OPCML: variants seen among roughly 807,000 people sequenced by gnomAD.
OPCML encodes the protein opioid binding protein/cell adhesion molecule like.
A neutral mutation model predicts 37.8 loss-of-function variants in OPCML; 13 were observed. That is an observed-to-expected ratio of 0.34 (90% CI 0.22 to 0.55). The LOEUF is 0.55. Among genes scored for constraint, OPCML ranks in the 20% least tolerant of loss-of-function variants. OPCML has a pLI of 0.91. For synonymous variants in OPCML, 176 were observed against 168.8 expected (o/e 1.04, Z -0.33); for missense variants, 341 against 435.6 (o/e 0.78, Z 1.93).
intron 1 of OPCML, among the ~76,000 whole-genome samples, chr11:133,382,842 T>C (rs1320150279): frequency 2.0e-5 from 3 of 152,266 alleles, no homozygotes; most frequent in Non-Finnish European, 2.9e-5. Flanking sequence ...TTTATTTCAC[T>C]GCTTATGAAA....
intron 4 of OPCML, among the ~76,000 whole-genome samples, chr11:132,497,801 G>A (rs2096236152): frequency 1.3e-5 from 2 of 152,252 alleles, no homozygotes; most frequent in South Asian, 4.1e-4. Context: ...CTTCCACTCT[G>A]TCATTCCTTG....
At chr11:133,494,924 T>C (rs186694056) in intron 1 of OPCML, among the ~76,000 whole-genome samples, 2 of 152,248 alleles carry the variant, frequency 1.3e-5, no homozygotes, top group African/African-American at 4.8e-5. Context: ...ATTTTATTTT[T>C]CCATAAGTTA....
intron 1 of OPCML, among the ~76,000 whole-genome samples, chr11:133,500,149 C>T (rs1010360912): frequency 8.5e-5 from 13 of 152,060 alleles, no homozygotes; most frequent in Admixed American, 6.6e-4. Flanking sequence ...GGTTTACAGG[C>T]GTGAGCCACC....
chr11:133,423,423 C>T lies in OPCML; in HGVS notation c.61+108841G>A, dbSNP rs546948834. ...AGGTAGGAGATAACTCAGAGAGTTC[C>T]GCCTGCAATGCATCTGCAGGCAAAT... On this transcript the variant is annotated intron_variant, in intron 1 of 7. Transcript: ENST00000524381. The T allele has an allele frequency of 4.3e-4, 427 of 985,304 alleles. 2 individuals carry two copies. The African/African-American group carries it at 6.5e-3, about 15-fold the overall frequency. The allele number at this position is 985,304 out of a possible 1,614,324, so 61.0% of individuals were successfully genotyped here.
At chr11:132,949,116 G>A (rs1945805560) in intron 1 of OPCML, among the ~76,000 whole-genome samples, 1 of 152,204 alleles carries the variant, frequency 6.6e-6, no homozygotes, top group South Asian at 2.1e-4. Context: ...GTATTCAGGT[G>A]ACTCTAGCAA....
rs1192927841 is a variant in OPCML at position 132,420,177 on chromosome 11, G to A, written c.*16C>T. On this transcript the variant is annotated 3_prime_UTR_variant, in exon 8 of 8. Transcript: ENST00000524381. ...ATGGAGAAGCAGGCGTTGCTCAGAGGACCTAGGATTTCTTATCAAAACTTG... is the reference window on the plus strand; with the variant it reads ...ATGGAGAAGCAGGCGTTGCTCAGAGAACCTAGGATTTCTTATCAAAACTTG... 1 of 1,611,638 alleles carries A rather than the reference G, an allele frequency of 6.2e-7. No individual in the cohort carries two copies. The highest frequency in any genetic ancestry group is 1.7e-5 in the Admixed American group (1 of 59,998).
intron 2 of OPCML, among the ~76,000 whole-genome samples, chr11:132,738,480 T>C (rs1026686830): frequency 3.3e-5 from 5 of 152,228 alleles, no homozygotes; most frequent in African/African-American, 1.2e-4. Context: ...GATCAAGGAA[T>C]ATCTGAATGT....
At chr11:132,695,225 T>C (rs1385369424) in intron 2 of OPCML, among the ~76,000 whole-genome samples, 3 of 152,156 alleles carry the variant, frequency 2.0e-5, no homozygotes, top group African/African-American at 7.2e-5. Context: ...CACGGCCCCT[T>C]AGAACTTTGC....
intron 2 of OPCML, among the ~76,000 whole-genome samples, chr11:132,905,388 C>T (rs1363999703): frequency 2.0e-5 from 3 of 151,908 alleles, no homozygotes; most frequent in Admixed American, 6.6e-5. Context: ...CCTGCCACCA[C>T]GTCCGGCTAA....
At chr11:133,196,770 C>A (rs1938551368) in intron 1 of OPCML, among the ~76,000 whole-genome samples, 2 of 152,112 alleles carry the variant, frequency 1.3e-5, no homozygotes, top group Admixed American at 6.5e-5. Flanking sequence ...TAGTCAATTG[C>A]CCAGTTGCAC....
chr11:132,871,266 GAATTCAATCA>G (rs1031651044), intron 2 of OPCML, among the ~76,000 whole-genome samples: 3 of 150,328 alleles, frequency 2.0e-5, no homozygotes, highest in Middle Eastern at 3.5e-3. Context: ...CCACATCCAT[GAATTCAATCA>G]ACTGCACATC....
intron 3 of OPCML, among the ~76,000 whole-genome samples, chr11:132,597,811 C>A (rs79877175): frequency 6.6e-6 from 1 of 152,128 alleles, no homozygotes; most frequent in African/African-American, 2.4e-5. Context: ...ATAAAACACA[C>A]GTAACAAAAA....
rs542148504 is a variant in OPCML at position 132,479,093 on chromosome 11, C to T, written c.506-41734G>A. Among the ~76,000 whole-genome samples, 29 of 152,178 alleles carry T rather than the reference C, an allele frequency of 1.9e-4. No individual in the cohort carries two copies. The South Asian group carries it at 2.7e-3, about 14-fold the overall frequency. Reference sequence around the variant, plus strand: ...CTCCCAGCCTGAGTGACGCAGAAGACGGGTGATTTCTGCATTTCCATCTGA... The same window carrying T: ...CTCCCAGCCTGAGTGACGCAGAAGATGGGTGATTTCTGCATTTCCATCTGA... On this transcript the variant is annotated intron_variant, in intron 4 of 7. Transcript: ENST00000524381.
intron 3 of OPCML, among the ~76,000 whole-genome samples, 162 bp downstream of exon 3, chr11:132,656,925 T>C (rs1054525934): frequency 6.6e-6 from 1 of 152,206 alleles, no homozygotes; most frequent in African/African-American, 2.4e-5. Context: ...CTTAGTTAAG[T>C]ACCCATTCGA....
At chr11:133,136,822 TGTGCAC>T (rs1170772969) in intron 1 of OPCML, among the ~76,000 whole-genome samples, 2 of 138,930 alleles carry the variant, frequency 1.4e-5, no homozygotes, top group Non-Finnish European at 3.0e-5. Context: ...GCAGTTTCTA[TGTGCAC>T]GTGTGTGTGT....
chr11:132,527,122 A>G (rs2096310492), intron 4 of OPCML, among the ~76,000 whole-genome samples: 1 of 152,070 alleles, frequency 6.6e-6, no homozygotes, highest in East Asian at 1.9e-4. Flanking sequence ...CAATTAATCT[A>G]TTTGCCTGTC....
At chr11:132,498,864 A>C (rs183021683) in intron 4 of OPCML, among the ~76,000 whole-genome samples, 190 of 152,352 alleles carry the variant, frequency 1.2e-3, no homozygotes, top group African/African-American at 4.5e-3. Context: ...AAGAGGAATG[A>C]ACATTTATAT....
At position 133,337,435 on chromosome 11, in the gene OPCML, T is replaced by C. The variant is rs116187893; in HGVS notation, c.61+194829A>G. On this transcript the variant is annotated intron_variant, in intron 1 of 7. Coordinates refer to ENST00000524381, the MANE Select transcript of OPCML (RefSeq NM_001012393.5). ...GGGGAACCACGGACTTCCATGGAAG[T>C]CTCGCAGGATCCGCTGCAGGGCCAG... Among the ~76,000 whole-genome samples, 1,395 of 152,272 alleles carry C rather than the reference T, an allele frequency of 9.2e-3. 24 individuals carry two copies. Among genetic ancestry groups the C allele is most frequent in the African/African-American group, 0.03 (1,264 of 41,566 alleles).
intron 2 of OPCML, among the ~76,000 whole-genome samples, chr11:132,803,357 C>T (rs11223215): frequency 4.6e-5 from 7 of 152,284 alleles, no homozygotes; most frequent in South Asian, 2.1e-4. Context: ...CAATTTTAAA[C>T]GAGCTTCTTT....
Sources: gnomAD v4.1 joint callset for allele counts (sites outside exome capture counted in the v4.1 genomes callset) on GRCh38, gnomAD v4.1.1 for gene constraint, MANE v1.5 for transcripts, NCBI Gene and HGNC (gene_info 2026-07-23, HGNC 2026-07-21) for gene names.